BOLL: variants seen among roughly 807,000 people sequenced by gnomAD.
BOLL encodes protein boule-like.
In BOLL, 23 loss-of-function variants were observed where a neutral mutation model predicts 44.4. That is an observed-to-expected ratio of 0.52 (90% CI 0.37 to 0.73). The LOEUF (loss-of-function observed/expected upper bound fraction) is 0.73. BOLL is among the 30% of genes least tolerant of loss of function. BOLL has a pLI of 0.00. For missense variants in BOLL, 287 were observed against 338.3 expected (o/e 0.85, Z 1.19); for synonymous variants, 97 against 110.8 (o/e 0.88, Z 0.78).
intron 10 of BOLL, among the ~76,000 whole-genome samples, chr2:197,737,649 A>G (rs1289497638): frequency 6.6e-6 from 1 of 152,166 alleles, no homozygotes; most frequent in Non-Finnish European, 1.5e-5. Flanking sequence ...AAATTGATTC[A>G]TAAGTATTAA....
chr2:197,777,037 T>A, intron 4 of BOLL, 22 bp downstream of exon 4: 1 of 1,533,626 alleles, frequency 6.5e-7, no homozygotes, highest in African/African-American at 1.4e-5. Flanking sequence ...GAAATGAAGT[T>A]AAATACACCA....
chr2:197,780,705 C>T (rs1689728321), intron 2 of BOLL, among the ~76,000 whole-genome samples: 1 of 151,946 alleles, frequency 6.6e-6, no homozygotes, highest in East Asian at 1.9e-4. Context: ...AAAGAAATTC[C>T]ACCCAAATTG....
At chr2:197,766,483 G>C (rs999260866) in intron 7 of BOLL, 49 bp downstream of exon 7, 2 of 1,423,580 alleles carry the variant, frequency 1.4e-6, no homozygotes, top group South Asian at 2.4e-5. Flanking sequence ...AGTTAGCTAA[G>C]AAAGGACTGA....
chr2:197,732,711 A>C (rs1687255355), intron 10 of BOLL, among the ~76,000 whole-genome samples: 1 of 149,960 alleles, frequency 6.7e-6, no homozygotes, highest in Non-Finnish European at 1.5e-5. Context: ...GACAAAAACC[A>C]CATGATTATC....
intron 2 of BOLL, among the ~76,000 whole-genome samples, chr2:197,780,390 G>A (rs978826041): frequency 1.3e-5 from 2 of 151,960 alleles, no homozygotes; most frequent in Non-Finnish European, 2.9e-5. Flanking sequence ...TATAACAACC[G>A]TCTCCAAAGT....
At position 197,757,383 on chromosome 2, in the gene BOLL, T is replaced by G; in HGVS notation, c.570A>C (p.Leu190Phe). The G allele has an allele frequency of 6.2e-7, 1 of 1,610,938 alleles. No homozygotes were observed. Reference protein sequence around the residue: ...AYHYQATTQYLPGQWQWSVPQ... With the variant: ...AYHYQATTQYFPGQWQWSVPQ... ...GAACACTCCACTGCCACTGTCCTGG[T>G]AAATACTGTGTGGTGGCCTAAAATT... The change falls in exon 8 of 11, where the codon TTA (leucine) becomes TTC (phenylalanine). Residue 190 changes from leucine to phenylalanine, a missense_variant. By Grantham distance (22) the Leu-to-Phe change is conservative (BLOSUM62 0). Transcript: ENST00000392296.
At chr2:197,780,325 AG>A (rs559332997) in intron 2 of BOLL, among the ~76,000 whole-genome samples, 4 of 152,080 alleles carry the variant, frequency 2.6e-5, no homozygotes, top group Non-Finnish European at 5.9e-5. Flanking sequence ...GTTTTGAAAA[AG>A]GTATAAGTAT....
chr2:197,771,642 AGTGGGGG>A (rs1212215271), intron 6 of BOLL, among the ~76,000 whole-genome samples: 1 of 152,072 alleles, frequency 6.6e-6, no homozygotes, highest in Non-Finnish European at 1.5e-5. Context: ...AGGGTAAGGA[AGTGGGGG>A]TAAGGAGAAT....
At chr2:197,776,682 C>T (rs1262122673) in intron 4 of BOLL, among the ~76,000 whole-genome samples, 1 of 151,806 alleles carries the variant, frequency 6.6e-6, no homozygotes, top group Non-Finnish European at 1.5e-5. Context: ...TGGCTATAGG[C>T]TTTTTTTCTG....
chr2:197,768,075 G>A (rs757165292), intron 6 of BOLL, among the ~76,000 whole-genome samples: 3 of 151,948 alleles, frequency 2.0e-5, no homozygotes, highest in Non-Finnish European at 2.9e-5. Context: ...GAAAAATCAA[G>A]AGCATTACTA....
chr2:197,776,471 C>T (rs1574864486), intron 4 of BOLL, among the ~76,000 whole-genome samples: 1 of 151,880 alleles, frequency 6.6e-6, no homozygotes, highest in African/African-American at 2.4e-5. Context: ...TTCTTGGGAA[C>T]ATTACCTTGT....
At chr2:197,728,642 C>G (rs1395086663) in intron 10 of BOLL, 64 bp from the exon 11 acceptor site, 1 of 1,059,042 alleles carries the variant, frequency 9.4e-7, no homozygotes, top group South Asian at 1.4e-5. Context: ...TAAGTTAGAA[C>G]AGATGAGTAC....
chr2:197,741,155 A>C (rs921377131), intron 10 of BOLL, among the ~76,000 whole-genome samples: 1 of 151,954 alleles, frequency 6.6e-6, no homozygotes, highest in South Asian at 2.1e-4. Context: ...CTTTTATTTC[A>C]TTGAGCAGTG....
intron 10 of BOLL, among the ~76,000 whole-genome samples, chr2:197,735,287 G>A (rs965757855): frequency 6.6e-6 from 1 of 151,968 alleles, no homozygotes; most frequent in African/African-American, 2.4e-5. Context: ...TTTCAATTTA[G>A]AGACTCTTGT....
At chr2:197,744,738 C>T (rs991369345) in intron 9 of BOLL, among the ~76,000 whole-genome samples, 1 of 152,222 alleles carries the variant, frequency 6.6e-6, no homozygotes, top group African/African-American at 2.4e-5. Flanking sequence ...TACCATCTCT[C>T]TAGTCTTTAC....
intron 9 of BOLL, among the ~76,000 whole-genome samples, chr2:197,745,018 A>G (rs1271915118): frequency 2.0e-5 from 3 of 152,216 alleles, no homozygotes; most frequent in Non-Finnish European, 2.9e-5. Flanking sequence ...AATAAATATA[A>G]GAAGCTAAGG....
At position 197,742,427 on chromosome 2, in the gene BOLL, A is replaced by G. The variant is rs183785616; in HGVS notation, c.828+634T>C. Among the ~76,000 whole-genome samples, 1,094 of 152,324 alleles carry G rather than the reference A, an allele frequency of 7.2e-3. 9 individuals are homozygous for G. Among genetic ancestry groups the G allele is most frequent in the South Asian group, 0.014 (67 of 4,828 alleles). ...TTGGAACCAACCCAAATGTCCAACA[A>G]CGATAGACTGGATTAAGAAAATGTG... is the stretch of plus-strand genomic sequence containing the variant. On this transcript the variant is annotated intron_variant, in intron 10 of 10. Coordinates refer to ENST00000392296, the MANE Select transcript of BOLL (RefSeq NM_033030.6).
chr2:197,778,263 T>A (rs935622727), intron 3 of BOLL, among the ~76,000 whole-genome samples: 1 of 151,908 alleles, frequency 6.6e-6, no homozygotes, highest in Non-Finnish European at 1.5e-5. Context: ...GGGTCCCTTT[T>A]CTTATGCCTA....
intron 5 of BOLL, 100 bp downstream of exon 5, chr2:197,775,565 A>C (rs1322831729): frequency 2.4e-6 from 2 of 825,736 alleles, no homozygotes; most frequent in Non-Finnish European, 3.7e-6. Context: ...TTATTAGATG[A>C]AAGAAACATG....
Sources: gnomAD v4.1 joint callset for allele counts (sites outside exome capture counted in the v4.1 genomes callset) on GRCh38, gnomAD v4.1.1 for gene constraint, MANE v1.5 for transcripts, NCBI Gene and HGNC (gene_info 2026-07-23, HGNC 2026-07-21) for gene names.